EXOC4: variants seen among roughly 807,000 people sequenced by gnomAD.
EXOC4 encodes SEC8-like 1.
Under a neutral mutation model 107.2 loss-of-function variants are expected in EXOC4, and 71 were observed. That is an observed-to-expected ratio of 0.66 (90% CI 0.55 to 0.81). EXOC4 has a LOEUF of 0.81. EXOC4 is among the 30% of genes least tolerant of loss of function. The pLI is 0.00. For missense variants in EXOC4, 1,108 were observed against 1,189.6 expected (o/e 0.93, Z 1.01); for synonymous variants, 456 against 441.2 (o/e 1.03, Z -0.42).
At chr7:133,918,391 T>C (rs761788773) in intron 13 of EXOC4, among the ~76,000 whole-genome samples, 7 of 152,202 alleles carry the variant, frequency 4.6e-5, no homozygotes, top group Non-Finnish European at 8.8e-5. Flanking sequence ...CCATACCCTT[T>C]CAAACATGAG....
the EXOC4 span, among the ~76,000 whole-genome samples, chr7:134,082,728 C>G: frequency 2.6e-5 from 4 of 152,164 alleles, no homozygotes; most frequent in African/African-American, 9.7e-5. Flanking sequence ...CATGACCCAC[C>G]GTACCCGGCC....
chr7:133,285,855 G>A (rs1794264259), intron 2 of EXOC4, among the ~76,000 whole-genome samples: 1 of 151,586 alleles, frequency 6.6e-6, no homozygotes, highest in South Asian at 2.1e-4. Context: ...AACCTCCTGG[G>A]CTCCAGTAAT....
Position 133,829,437 on chromosome 7 carries a change from C to T in EXOC4, c.1734+11893C>T, listed in dbSNP as rs1797765095. On this transcript the variant is annotated intron_variant, in intron 11 of 17. Coordinates refer to ENST00000253861, the MANE Select transcript of EXOC4 (RefSeq NM_021807.4). ...AGCTAAGGCAGGGATCCACTAGTTC[C>T]GCTCTGAAGGGGAGACAGAAAGTTT... Among the ~76,000 whole-genome samples, 3 of 152,164 alleles carry T rather than the reference C, an allele frequency of 2.0e-5. No individual in the cohort carries two copies. The South Asian group carries it at 6.2e-4, about 32-fold the overall frequency.
At chr7:133,556,120 C>G (rs1329868013) in intron 9 of EXOC4, among the ~76,000 whole-genome samples, 1 of 152,168 alleles carries the variant, frequency 6.6e-6, no homozygotes, top group Non-Finnish European at 1.5e-5. Context: ...CTCTCCAGAG[C>G]CTTCAGACGT....
chr7:133,617,956 A>T (rs1483053722), intron 9 of EXOC4, among the ~76,000 whole-genome samples: 4 of 152,158 alleles, frequency 2.6e-5, no homozygotes, highest in Admixed American at 2.0e-4. Context: ...CTGTAGATAA[A>T]GATCTAAGGA....
intron 10 of EXOC4, among the ~76,000 whole-genome samples, chr7:133,700,607 G>C (rs1794637014): frequency 6.6e-6 from 1 of 152,132 alleles, no homozygotes. Context: ...TGTAGTCATT[G>C]TTTTGCTAAG....
chr7:133,282,774 A>G (rs1038520890), intron 2 of EXOC4, among the ~76,000 whole-genome samples: 6 of 152,190 alleles, frequency 3.9e-5, no homozygotes, highest in Non-Finnish European at 7.3e-5. Flanking sequence ...CTTATCAGTT[A>G]TTTGTGGTGA....
At chr7:133,941,954 T>A (rs1167697881) in intron 14 of EXOC4, among the ~76,000 whole-genome samples, 1 of 151,890 alleles carries the variant, frequency 6.6e-6, no homozygotes, top group African/African-American at 2.4e-5. Context: ...GTTTGTAAGA[T>A]CCCTAAATAA....
the EXOC4 span, among the ~76,000 whole-genome samples, chr7:134,090,698 A>G: frequency 6.6e-6 from 1 of 152,024 alleles, no homozygotes; most frequent in South Asian, 2.1e-4. Context: ...CTTTTCCAGC[A>G]GTTTCATCAG....
intron 12 of EXOC4, among the ~76,000 whole-genome samples, chr7:133,899,622 C>G (rs1046057709): frequency 6.6e-6 from 1 of 152,102 alleles, no homozygotes; most frequent in African/African-American, 2.4e-5. Context: ...CTGAACATTC[C>G]CAGTTTCTGG....
In EXOC4 at chr7:133,525,020, T is replaced by A. The variant is rs530254667; in HGVS notation, c.1417+44882T>A. Among the ~76,000 whole-genome samples, 15 of 152,334 alleles carry A rather than the reference T, an allele frequency of 9.8e-5. No homozygotes were observed. The South Asian group carries it at 3.1e-3, about 32-fold the overall frequency. ...CAAAGTTACTCTATTGTCAGTGCAT[T>A]TGAAATCCTTTCTTTACGAAGAGTC... On this transcript the variant is annotated intron_variant, in intron 9 of 17. Coordinates refer to ENST00000253861, the MANE Select transcript of EXOC4 (RefSeq NM_021807.4).
At chr7:133,992,906 A>G (rs970450490) in intron 14 of EXOC4, among the ~76,000 whole-genome samples, 1 of 151,636 alleles carries the variant, frequency 6.6e-6, no homozygotes, top group Non-Finnish European at 1.5e-5. Flanking sequence ...GGCCTTTATC[A>G]TGATGAGTTA....
At chr7:133,718,578 T>C (rs1162501422) in intron 10 of EXOC4, among the ~76,000 whole-genome samples, 2 of 152,130 alleles carry the variant, frequency 1.3e-5, no homozygotes, top group African/African-American at 2.4e-5. Context: ...GTTAAGAATT[T>C]GCACCCTAGA....
chr7:133,412,186 C>T lies in EXOC4; in HGVS notation c.1182+37184C>T, dbSNP rs77095462. Among the ~76,000 whole-genome samples the T allele has an allele frequency of 9.8e-3, 1,462 of 149,336 alleles. 14 individuals are homozygous for T. The highest frequency in any genetic ancestry group is 0.027 in the Middle Eastern group (8 of 292). ...GACTGCTGGGTCAAAGTTAGTCTTG[C>T]TCTGTATTGGGCAATCTAAATTTAA... is the stretch of plus-strand genomic sequence containing the variant. On this transcript the variant is annotated intron_variant, in intron 7 of 17. Coordinates refer to ENST00000253861, the MANE Select transcript of EXOC4 (RefSeq NM_021807.4).
In EXOC4 at chr7:133,897,263, A is replaced by G. The variant is rs926806212; in HGVS notation, c.1871+1528A>G. On this transcript the variant is annotated intron_variant, in intron 12 of 17. Coordinates refer to ENST00000253861, the MANE Select transcript of EXOC4 (RefSeq NM_021807.4). ...CACAGTTACATGGACAAATTAAACA[A>G]CAACCATCTCATTGAGATGCAGTCC... 1.2e-4 allele frequency among the ~76,000 whole-genome samples: 19 copies of G among 152,196 alleles called. 1 individual carries two copies. In the Middle Eastern group the frequency reaches 0.01, roughly 82 times the overall value.
At chr7:133,790,427 A>G (rs1462665022) in intron 10 of EXOC4, among the ~76,000 whole-genome samples, 2 of 152,204 alleles carry the variant, frequency 1.3e-5, no homozygotes, top group Admixed American at 6.5e-5. Context: ...TCATGCTTCC[A>G]TTTCCTGGAG....
At chr7:133,572,532 T>A (rs77019628) in intron 9 of EXOC4, among the ~76,000 whole-genome samples, 20,220 of 152,144 alleles carry the variant, frequency 0.13, 1,462 homozygotes, top group East Asian at 0.23. Flanking sequence ...AATTTTTTTT[T>A]AAAAAAATTG....
chr7:133,276,077 TTC>T (rs1025577984), intron 2 of EXOC4, among the ~76,000 whole-genome samples: 17 of 152,264 alleles, frequency 1.1e-4, no homozygotes, highest in African/African-American at 3.1e-4. Flanking sequence ...TTTGTTATTT[TTC>T]TCTCTTTTTC....
intron 5 of EXOC4, among the ~76,000 whole-genome samples, chr7:133,323,511 G>A (rs1424171133): frequency 6.6e-6 from 1 of 152,242 alleles, no homozygotes; most frequent in East Asian, 1.9e-4. Context: ...GCTGGATTAT[G>A]TTTATTGATT....
Sources: allele counts gnomAD v4.1 joint callset (sites outside exome capture counted in the v4.1 genomes callset), GRCh38; gene constraint gnomAD v4.1.1; transcripts MANE v1.5; gene names NCBI Gene and HGNC (gene_info 2026-07-23, HGNC 2026-07-21).